TNS1: variants seen among roughly 807,000 people sequenced by gnomAD.
TNS1 encodes the protein tensin-1.
A neutral mutation model predicts 168.6 loss-of-function variants in TNS1; 62 were observed. The observed-to-expected ratio is 0.37, with a 90% CI of 0.30 to 0.45. The LOEUF (loss-of-function observed/expected upper bound fraction) is 0.45. TNS1 is among the 20% of genes least tolerant of loss of function. TNS1 has a pLI of 1.00. For missense variants in TNS1, 2,240 were observed against 2,339.4 expected (o/e 0.96, Z 0.88); for synonymous variants, 934 against 933.2 (o/e 1.00, Z -0.02).
chr2:217,857,803 G>A (rs141862535), intron 18 of TNS1, among the ~76,000 whole-genome samples: 1,649 of 152,176 alleles, frequency 0.011, 8 homozygotes, highest in Admixed American at 0.017. Flanking sequence ...GCTATAACCC[G>A]AGCCTGGCAC....
intron 2 of TNS1, among the ~76,000 whole-genome samples, chr2:217,983,944 A>C (rs1958123808): frequency 6.6e-6 from 1 of 152,198 alleles, no homozygotes; most frequent in Admixed American, 6.5e-5. Context: ...TTTTTAGATG[A>C]GATTCACATT....
intron 2 of TNS1, among the ~76,000 whole-genome samples, chr2:217,982,400 C>CTTTTTT (rs59697675): frequency 7.3e-6 from 1 of 136,078 alleles, no homozygotes; most frequent in African/African-American, 2.7e-5. Context: ...TTCTTCTTTT[C>CTTTTTT]TTTTTTTTTT....
intron 3 of TNS1, among the ~76,000 whole-genome samples, chr2:217,958,924 C>G (rs1367970395): frequency 6.6e-6 from 1 of 152,234 alleles, no homozygotes; most frequent in Non-Finnish European, 1.5e-5. Flanking sequence ...AGGTTCTCAG[C>G]ACCTGGAGAT....
chr2:217,993,690 T>C (rs1958417846), intron 1 of TNS1, among the ~76,000 whole-genome samples: 1 of 152,226 alleles, frequency 6.6e-6, no homozygotes, highest in South Asian at 2.1e-4. Context: ...ATTCTGTTGA[T>C]GCCCACAAGG....
chr2:217,880,935 G>A lies in TNS1; in HGVS notation c.1392C>T (p.Tyr464=), dbSNP rs201041076. The change falls in exon 18 of 33, where the codon TAC becomes TAT. Residue 464 remains tyrosine (Y), a synonymous_variant. Coordinates refer to ENST00000682258, the MANE Select transcript of TNS1 (RefSeq NM_001387777.1). The surrounding 1 kb of genome is among the most constrained non-coding windows in gnomAD (Gnocchi z 4.2). ...CATCTCGATGCCCACTGAAGTTGTC[G>A]TAGGAGTCCCAGCGGATGAGGGGGT... ...TSDPLIRWDS[Y]DNFSGHRDDG... 5.0e-5 allele frequency: 81 copies of A among 1,614,048 alleles called. No individual in the cohort carries two copies. In the East Asian group the frequency reaches 1.4e-3, roughly 29 times the overall value.
intron 3 of TNS1, among the ~76,000 whole-genome samples, chr2:217,929,604 C>T (rs1233474660): frequency 6.6e-6 from 1 of 152,120 alleles, no homozygotes; most frequent in Non-Finnish European, 1.5e-5. Context: ...CATGATCCTG[C>T]CCACACTCGG....
upstream of TNS1, among the ~76,000 whole-genome samples, chr2:218,007,631 T>C (rs1352505776): frequency 6.6e-6 from 1 of 151,290 alleles, no homozygotes; most frequent in East Asian, 1.9e-4. Flanking sequence ...ATAGTGCTAC[T>C]ACATGGGTCA....
At chr2:217,893,772 G>T (rs1951996697) in intron 9 of TNS1, among the ~76,000 whole-genome samples, 1 of 152,236 alleles carries the variant, frequency 6.6e-6, no homozygotes, top group Non-Finnish European at 1.5e-5. Flanking sequence ...GGGGACCCTG[G>T]TCCCGGGTCT....
At chr2:217,997,973 T>C (rs1035932070) in intron 1 of TNS1, among the ~76,000 whole-genome samples, 3 of 152,140 alleles carry the variant, frequency 2.0e-5, no homozygotes, top group Non-Finnish European at 4.4e-5. Flanking sequence ...TATACCCCAT[T>C]CCCATGAACC....
At chr2:217,955,577 A>AGG (rs1278377429) in intron 3 of TNS1, among the ~76,000 whole-genome samples, 1 of 152,212 alleles carries the variant, frequency 6.6e-6, no homozygotes, top group African/African-American at 2.4e-5. Context: ...GTACTGCCTC[A>AGG]GGCACCAAGT....
At chr2:217,923,906 A>C (rs898518131) in intron 3 of TNS1, among the ~76,000 whole-genome samples, 5 of 152,006 alleles carry the variant, frequency 3.3e-5, no homozygotes, top group South Asian at 2.1e-4. Context: ...CAGCCCCCAC[A>C]CCCACTAGTA....
chr2:217,809,472 G>GATAGGTGC (rs1940247346), intron 30 of TNS1, among the ~76,000 whole-genome samples: 1 of 51,236 alleles, frequency 2.0e-5, no homozygotes, highest in Non-Finnish European at 3.7e-5. Flanking sequence ...TGGATGGATG[G>GATAGGTGC]ATGGATGGAT....
chr2:217,897,263 C>A (rs989705529), intron 8 of TNS1, among the ~76,000 whole-genome samples: 1 of 152,212 alleles, frequency 6.6e-6, no homozygotes, highest in African/African-American at 2.4e-5. Flanking sequence ...CAAGGTGACT[C>A]CTCTGGGCCA....
At chr2:217,868,313 G>A (rs987294431) in intron 18 of TNS1, among the ~76,000 whole-genome samples, 2 of 152,196 alleles carry the variant, frequency 1.3e-5, no homozygotes, top group East Asian at 1.9e-4. Context: ...GGTTACTGAC[G>A]ACCAGTGCCA....
intron 22 of TNS1, among the ~76,000 whole-genome samples, chr2:217,826,558 C>T (rs1414655657): frequency 6.6e-6 from 1 of 152,176 alleles, no homozygotes; most frequent in Non-Finnish European, 1.5e-5. Flanking sequence ...CTAATTCTTT[C>T]CTGCCAATTC....
chr2:217,885,649 A>T (rs1559299702), intron 15 of TNS1, 95 bp downstream of exon 15: 1 of 1,297,904 alleles, frequency 7.7e-7, no homozygotes. Context: ...GCCCAGGAGG[A>T]GTACCTGTCT....
intron 4 of TNS1, 109 bp downstream of exon 4, chr2:217,920,086 T>C: frequency 2.9e-6 from 2 of 695,516 alleles, no homozygotes; most frequent in Non-Finnish European, 5.3e-6. Context: ...TCCACCTAAT[T>C]GTCCGACACC....
intron 9 of TNS1, 48 bp downstream of exon 9, chr2:217,894,958 C>T (rs1447409492): frequency 6.4e-7 from 1 of 1,567,284 alleles, no homozygotes; most frequent in Non-Finnish European, 8.8e-7. Flanking sequence ...AGAGGGAGTC[C>T]ATCTGTTCTC....
At chr2:217,884,400 T>C (rs1344977468) in intron 16 of TNS1, among the ~76,000 whole-genome samples, 1 of 152,118 alleles carries the variant, frequency 6.6e-6, no homozygotes, top group Non-Finnish European at 1.5e-5. Flanking sequence ...AATGTGTATT[T>C]ATATGTCCCA....
Sources: allele counts gnomAD v4.1 joint callset (sites outside exome capture counted in the v4.1 genomes callset), GRCh38; gene constraint gnomAD v4.1.1; non-coding constraint Gnocchi (gnomAD v3.1); transcripts MANE v1.5; gene names NCBI Gene and HGNC (gene_info 2026-07-23, HGNC 2026-07-21).